The following CCNY variants were observed in gnomAD, a reference collection of about 807,000 sequenced individuals.
CCNY encodes cyclin Y, also known as cyclin-Y.
Under a neutral mutation model 42.8 loss-of-function variants are expected in CCNY, and 19 were observed. The observed-to-expected ratio is 0.44, with a 90% CI of 0.31 to 0.65. The LOEUF (loss-of-function observed/expected upper bound fraction) is 0.65, where lower values mean the gene tolerates loss of function less well. Ranked by LOEUF, CCNY falls within the 30% of genes least tolerant of loss-of-function variation. The pLI is 0.07. For missense variants in CCNY, 370 were observed against 437.3 expected (o/e 0.85, Z 1.37); for synonymous variants, 165 against 162.7 (o/e 1.01, Z -0.11).
intron 3 of CCNY, among the ~76,000 whole-genome samples, chr10:35,319,906 C>T (rs776784746): frequency 3.3e-5 from 5 of 151,916 alleles, no homozygotes; most frequent in African/African-American, 7.3e-5. Flanking sequence ...GCTGAGATCG[C>T]GCCATTGCAC....
upstream of CCNY, among the ~76,000 whole-genome samples, chr10:35,333,081 T>C (rs1445586083): frequency 6.6e-6 from 1 of 152,012 alleles, no homozygotes; most frequent in African/African-American, 2.4e-5. Flanking sequence ...CTCTGTCACC[T>C]AGGCTGGGGT....
At chr10:35,442,593 CTGTT>C (rs891543065) in intron 1 of CCNY, among the ~76,000 whole-genome samples, 14 of 152,240 alleles carry the variant, frequency 9.2e-5, no homozygotes, top group African/African-American at 2.9e-4. Context: ...TAAGGGAAAA[CTGTT>C]TGAAATACTG....
At chr10:35,313,977 GAAAAAAAA>G (rs71523375) in intron 3 of CCNY, among the ~76,000 whole-genome samples, 1 of 79,798 alleles carries the variant, frequency 1.3e-5, no homozygotes, top group African/African-American at 4.8e-5. Flanking sequence ...GTTCATCTCG[GAAAAAAAA>G]AAAAAAAAAA....
At chr10:35,506,897 C>T (rs1840226247) in intron 3 of CCNY, among the ~76,000 whole-genome samples, 1 of 152,236 alleles carries the variant, frequency 6.6e-6, no homozygotes, top group Non-Finnish European at 1.5e-5. Context: ...CTGGTTTTCA[C>T]ATTGCTCTGA....
intron 1 of CCNY, among the ~76,000 whole-genome samples, chr10:35,478,235 T>C (rs1411768395): frequency 6.7e-6 from 1 of 149,098 alleles, no homozygotes; most frequent in Non-Finnish European, 1.5e-5. Flanking sequence ...ACAGATTCAA[T>C]GCCATCCCCA....
intron 1 of CCNY, among the ~76,000 whole-genome samples, chr10:35,337,410 C>T (rs1836068037): frequency 6.6e-6 from 1 of 152,314 alleles, no homozygotes; most frequent in African/African-American, 2.4e-5. Flanking sequence ...TGAGCGGCCG[C>T]GGAAACTTTG....
chr10:35,486,535 C>A (rs1789170187), intron 2 of CCNY, among the ~76,000 whole-genome samples: 1 of 152,192 alleles, frequency 6.6e-6, no homozygotes, highest in Non-Finnish European at 1.5e-5. Flanking sequence ...TTGACCTTAT[C>A]CCTCTCTAGT....
chr10:35,437,098 C>T (rs1457818176), intron 1 of CCNY, among the ~76,000 whole-genome samples: 2 of 152,316 alleles, frequency 1.3e-5, no homozygotes, highest in East Asian at 3.9e-4. Context: ...ATCATGAGAA[C>T]AGTATGAGGG....
At chr10:35,468,165 T>G (rs555171491) in intron 1 of CCNY, among the ~76,000 whole-genome samples, 1 of 152,338 alleles carries the variant, frequency 6.6e-6, no homozygotes, top group South Asian at 2.1e-4. Flanking sequence ...TCCCGGTTCA[T>G]AGATGACCAT....
At position 35,569,125 on chromosome 10, in the gene CCNY, A is replaced by G; in HGVS notation, c.981A>G (p.Ala327=). The G allele has an allele frequency of 6.2e-7, 1 of 1,612,894 alleles. No individual in the cohort carries two copies. Among genetic ancestry groups the G allele is most frequent in the Non-Finnish European group, 8.5e-7 (1 of 1,179,928 alleles). Residue 327 remains alanine, a synonymous_variant, in exon 10 of 10, where the codon GCA becomes GCG. Transcript: ENST00000374704. ...CCGCGAGGAAGCGCTCAGCCAGTGC[A>G]GACAACCTGACTCTGCCCCGGTGGT... ...RRSARKRSAS[A]DNLTLPRWSP... is the part of the protein sequence containing the mutation.
At chr10:35,508,061 C>T (rs189953445) in intron 3 of CCNY, among the ~76,000 whole-genome samples, 1 of 152,304 alleles carries the variant, frequency 6.6e-6, no homozygotes, top group East Asian at 1.9e-4. Context: ...TACTTTAAAA[C>T]CATGTAGATA....
intron 3 of CCNY, among the ~76,000 whole-genome samples, chr10:35,260,863 A>G (rs2095719004): frequency 6.6e-6 from 1 of 152,178 alleles, no homozygotes; most frequent in Non-Finnish European, 1.5e-5. Context: ...GCTCAAATCT[A>G]TAATCCCAAA....
chr10:35,342,064 A>C (rs993916620), intron 1 of CCNY, among the ~76,000 whole-genome samples: 1 of 152,158 alleles, frequency 6.6e-6, no homozygotes, highest in Non-Finnish European at 1.5e-5. Context: ...GGATATAGGT[A>C]CATGGTGTTT....
intron 9 of CCNY, among the ~76,000 whole-genome samples, chr10:35,568,702 A>G (rs1474324547): frequency 6.6e-6 from 1 of 152,170 alleles, no homozygotes; most frequent in African/African-American, 2.4e-5. Flanking sequence ...CCCCGCTTGC[A>G]GGTGAGGACG....
chr10:35,563,905 T>C (rs1028970595), intron 8 of CCNY, among the ~76,000 whole-genome samples: 1 of 151,284 alleles, frequency 6.6e-6, no homozygotes, highest in Non-Finnish European at 1.5e-5. Context: ...AGACAGAGTT[T>C]CGCTCTTGTA....
chr10:35,352,405 G>T (rs1311916713), intron 1 of CCNY, among the ~76,000 whole-genome samples: 1 of 152,168 alleles, frequency 6.6e-6, no homozygotes, highest in Non-Finnish European at 1.5e-5. Context: ...AATTAACTAG[G>T]CAAGTAGTTG....
intron 3 of CCNY, among the ~76,000 whole-genome samples, chr10:35,317,305 T>A (rs1385979250): frequency 1.3e-5 from 2 of 152,212 alleles, no homozygotes; most frequent in African/African-American, 4.8e-5. Context: ...ATAAATACTT[T>A]CTGATCACAC....
At chr10:35,435,869 G>A (rs1010086948) in intron 1 of CCNY, among the ~76,000 whole-genome samples, 6 of 152,176 alleles carry the variant, frequency 3.9e-5, no homozygotes, top group Admixed American at 3.3e-4. Context: ...TAATGGCTAA[G>A]ATGTTTAAGT....
At chr10:35,308,649 G>A (rs1413198043) in intron 3 of CCNY, among the ~76,000 whole-genome samples, 1 of 152,106 alleles carries the variant, frequency 6.6e-6, no homozygotes, top group Non-Finnish European at 1.5e-5. Context: ...TATTCTAGTG[G>A]GAACAGGGCA....
Sources: allele counts gnomAD v4.1 joint callset (sites outside exome capture counted in the v4.1 genomes callset), GRCh38; gene constraint gnomAD v4.1.1; transcripts MANE v1.5; gene names NCBI Gene and HGNC (gene_info 2026-07-23, HGNC 2026-07-21).